PLCH1: variants seen among roughly 807,000 people sequenced by gnomAD.
PLCH1 encodes the protein 1-phosphatidylinositol 4,5-bisphosphate phosphodiesterase eta-1.
A neutral mutation model predicts 126.7 loss-of-function variants in PLCH1; 60 were observed. The observed-to-expected ratio is 0.47, with a 90% CI of 0.38 to 0.59. The LOEUF (loss-of-function observed/expected upper bound fraction) is 0.59, where lower values mean the gene tolerates loss of function less well. Ranked by LOEUF, PLCH1 falls within the 20% of genes least tolerant of loss-of-function variation. PLCH1 has a pLI of 0.00. For synonymous variants in PLCH1, 719 were observed against 734.9 expected (o/e 0.98, Z 0.35); for missense variants, 1,723 against 2,040.0 (o/e 0.84, Z 2.99).
rs186751312 is a variant in PLCH1, at chr3:155,548,266, T to G, written c.1362+1521A>C. The stretch of plus-strand genomic sequence containing the variant: ...GGAACACAATAAATCAGTTGCCTTG[T>G]TTTTGCTTTAAATGGGGTTGCGCTG... On this transcript the variant is annotated intron_variant, in intron 10 of 22. Coordinates refer to ENST00000460012, the MANE Select transcript of PLCH1 (RefSeq NM_014996.4). Among the ~76,000 whole-genome samples, 149 of 152,334 alleles carry G rather than the reference T, an allele frequency of 9.8e-4. No homozygotes were observed. The Middle Eastern group carries it at 0.014, about 14-fold the overall frequency.
At chr3:155,690,317 A>G (rs537378167) in intron 2 of PLCH1, among the ~76,000 whole-genome samples, 1 of 152,366 alleles carries the variant, frequency 6.6e-6, no homozygotes, top group Admixed American at 6.5e-5. Context: ...ATTCTGAAAT[A>G]TAATGAAAGC....
chr3:155,541,505 G>C (rs1724226392), intron 10 of PLCH1, among the ~76,000 whole-genome samples: 1 of 152,106 alleles, frequency 6.6e-6, no homozygotes, highest in African/African-American at 2.4e-5. Flanking sequence ...TAGGAAACAG[G>C]GAGAACTGAG....
At chr3:155,472,413 A>G (rs913083132) in intron 21 of PLCH1, among the ~76,000 whole-genome samples, 1 of 152,110 alleles carries the variant, frequency 6.6e-6, no homozygotes, top group African/African-American at 2.4e-5. Context: ...CAATAACAGG[A>G]GCTCAAATTG....
intron 2 of PLCH1, among the ~76,000 whole-genome samples, chr3:155,699,392 T>C (rs1402583854): frequency 6.6e-6 from 1 of 152,210 alleles, no homozygotes; most frequent in Non-Finnish European, 1.5e-5. Context: ...CTTTTAATCT[T>C]AATGATGTTC....
chr3:155,610,409 T>C (rs1577134069), intron 2 of PLCH1, among the ~76,000 whole-genome samples: 1 of 140,766 alleles, frequency 7.1e-6, no homozygotes, highest in African/African-American at 2.7e-5. Flanking sequence ...AGGCACATTG[T>C]CAACAGATTA....
chr3:155,596,181 C>A, intron 3 of PLCH1, 51 bp downstream of exon 3: 1 of 1,435,118 alleles, frequency 7.0e-7, no homozygotes, highest in South Asian at 1.2e-5. Context: ...CTCAGTATAA[C>A]CCGTGTGTTA....
intron 21 of PLCH1, among the ~76,000 whole-genome samples, chr3:155,469,505 GC>G (rs1437351385): frequency 3.3e-5 from 5 of 151,352 alleles, no homozygotes; most frequent in Non-Finnish European, 5.9e-5. Flanking sequence ...GGGGAGGGGC[GC>G]CCGCCATTGC....
intron 2 of PLCH1, among the ~76,000 whole-genome samples, chr3:155,653,376 T>C (rs1476058413): frequency 6.6e-6 from 1 of 152,158 alleles, no homozygotes; most frequent in Non-Finnish European, 1.5e-5. Context: ...TCCCAATTAT[T>C]TCACCTTATT....
At chr3:155,453,806 A>G (rs1377231392) in intron 21 of PLCH1, among the ~76,000 whole-genome samples, 2 of 151,306 alleles carry the variant, frequency 1.3e-5, no homozygotes, top group African/African-American at 4.8e-5. Context: ...ATATGTATTT[A>G]TCTATAGATA....
At chr3:155,680,545 T>C (rs1239266759) in intron 2 of PLCH1, among the ~76,000 whole-genome samples, 1 of 152,136 alleles carries the variant, frequency 6.6e-6, no homozygotes, top group Admixed American at 6.5e-5. Flanking sequence ...CTATCCCACA[T>C]ACAGGTACCT....
chr3:155,463,446 T>G (rs548819908), intron 21 of PLCH1, among the ~76,000 whole-genome samples: 1 of 152,334 alleles, frequency 6.6e-6, no homozygotes, highest in Non-Finnish European at 1.5e-5. Flanking sequence ...GTTAACTATA[T>G]GTTTATTAAA....
intron 10 of PLCH1, among the ~76,000 whole-genome samples, chr3:155,526,501 C>A (rs1326479907): frequency 6.6e-6 from 1 of 150,550 alleles, no homozygotes; most frequent in Non-Finnish European, 1.5e-5. Context: ...CACACACACA[C>A]ACACACACAC....
At chr3:155,487,407 C>G (rs559494098) in intron 21 of PLCH1, among the ~76,000 whole-genome samples, 6 of 152,264 alleles carry the variant, frequency 3.9e-5, no homozygotes, top group African/African-American at 1.4e-4. Context: ...AACCAAGTCC[C>G]CAATTACTTG....
intron 2 of PLCH1, among the ~76,000 whole-genome samples, chr3:155,618,231 T>A (rs575778228): frequency 2.6e-5 from 4 of 152,352 alleles, no homozygotes; most frequent in South Asian, 2.1e-4. Flanking sequence ...AGGTTTTTTT[T>A]AATATGTATT....
At chr3:155,606,280 A>T (rs2108703014) in intron 2 of PLCH1, among the ~76,000 whole-genome samples, 2 of 152,244 alleles carry the variant, frequency 1.3e-5, no homozygotes, top group Middle Eastern at 6.8e-3. Context: ...ACAGCCTGGG[A>T]CTCCTTAGGA....
intron 17 of PLCH1, 117 bp downstream of exon 17, chr3:155,494,024 A>AT: frequency 1.4e-6 from 1 of 724,716 alleles, no homozygotes; most frequent in Non-Finnish European, 2.3e-6. Flanking sequence ...GAAAAAAAAA[A>AT]GTTGAAAAAC....
chr3:155,477,990 G>A (rs910519734), downstream of PLCH1, among the ~76,000 whole-genome samples: 14 of 152,070 alleles, frequency 9.2e-5, no homozygotes, highest in Non-Finnish European at 1.8e-4. Flanking sequence ...AGATTTGGAA[G>A]CAACCTAAGT....
At chr3:155,576,832 T>C (rs1291217940) in intron 6 of PLCH1, among the ~76,000 whole-genome samples, 1 of 152,212 alleles carries the variant, frequency 6.6e-6, no homozygotes, top group Admixed American at 6.5e-5. Context: ...TTAAAGAATG[T>C]TGAAATGCAC....
At chr3:155,469,505 GCCCGCCATTGC>G (rs2107980841) in intron 21 of PLCH1, among the ~76,000 whole-genome samples, 1 of 151,448 alleles carries the variant, frequency 6.6e-6, no homozygotes, top group African/African-American at 2.4e-5. Context: ...GGGGAGGGGC[GCCCGCCATTGC>G]CCAGGCTTGC....
Sources: allele counts gnomAD v4.1 joint callset (sites outside exome capture counted in the v4.1 genomes callset), GRCh38; gene constraint gnomAD v4.1.1; transcripts MANE v1.5; gene names NCBI Gene and HGNC (gene_info 2026-07-23, HGNC 2026-07-21).